Variants in ACER2 observed in about 807,000 individuals in gnomAD.
ACER2 encodes the protein alkaline ceramidase 2.
A neutral mutation model predicts 34.7 loss-of-function variants in ACER2; 26 were observed. That is an observed-to-expected ratio of 0.75 (90% CI 0.55 to 1.04). ACER2 has a LOEUF of 1.04. Ranked by LOEUF, ACER2 falls within the 50% of genes least tolerant of loss-of-function variation. The pLI is 0.00. For missense variants in ACER2, 352 were observed against 340.8 expected (o/e 1.03, Z -0.26); for synonymous variants, 138 against 132.1 (o/e 1.04, Z -0.31).
At chr9:19,414,545 G>A (rs981569319) in intron 1 of ACER2, among the ~76,000 whole-genome samples, 16 of 152,260 alleles carry the variant, frequency 1.1e-4, no homozygotes, top group African/African-American at 3.6e-4. Context: ...TACTTTAGGA[G>A]GCTGAGGCTG....
chr9:19,440,139 G>A (rs1464790071), intron 4 of ACER2, among the ~76,000 whole-genome samples: 2 of 152,044 alleles, frequency 1.3e-5, no homozygotes, highest in African/African-American at 4.8e-5. Flanking sequence ...TATTCTCTCG[G>A]CTGCTCGCCC....
At chr9:19,427,517 T>A (rs1358704467) in intron 3 of ACER2, among the ~76,000 whole-genome samples, 1 of 152,114 alleles carries the variant, frequency 6.6e-6, no homozygotes, top group Non-Finnish European at 1.5e-5. Context: ...GACCAAAAAA[T>A]TCATGTCAAA....
At chr9:19,446,523 GGCTT>G in intron 5 of ACER2, 105 bp downstream of exon 5, 1 of 1,566,354 alleles carries the variant, frequency 6.4e-7, no homozygotes, top group East Asian at 2.2e-5. Flanking sequence ...GTGGGTTGCT[GGCTT>G]GCTTCTCTCC....
At position 19,424,840 on chromosome 9, in the gene ACER2, C is replaced by T. The variant is rs201757927; in HGVS notation, c.364C>T (p.Arg122Trp). The T allele has an allele frequency of 2.9e-5, 47 of 1,614,070 alleles. No individual in the cohort carries two copies. Among genetic ancestry groups the T allele is most frequent in the South Asian group, 5.5e-5 (5 of 91,064 alleles). Residue 122 changes from arginine (R) to tryptophan (W), a missense_variant and splice_region_variant, in exon 3 of 6, where the codon CGG becomes TGG. Physicochemically the swap from Arg to Trp is moderately radical, Grantham distance 101. Coordinates refer to ENST00000340967, the MANE Select transcript of ACER2 (RefSeq NM_001010887.3). ...TCTACCAAAGATCTTTCGGAATGAC[C>T]GGTAAGCTTGCACTAAACATTATTG... The part of the protein sequence containing the change: ...RYLPKIFRND[R>W]GRFKVVVSVL...
chr9:19,418,824 C>T (rs1830317856), intron 1 of ACER2, among the ~76,000 whole-genome samples: 1 of 152,042 alleles, frequency 6.6e-6, no homozygotes, highest in Non-Finnish European at 1.5e-5. Context: ...GCACATATAT[C>T]CCAGAACTTA....
intron 5 of ACER2, among the ~76,000 whole-genome samples, chr9:19,449,890 T>TAAAAAA (rs543959118): frequency 7.6e-6 from 1 of 131,364 alleles, no homozygotes; most frequent in African/African-American, 2.9e-5. Context: ...AGACTTCATT[T>TAAAAAA]AAAAAAAAAA....
At chr9:19,426,322 T>C (rs71478249) in intron 3 of ACER2, among the ~76,000 whole-genome samples, 31,887 of 148,314 alleles carry the variant, frequency 0.21, 3,914 homozygotes, top group African/African-American at 0.32. Flanking sequence ...CTTTCTTTCT[T>C]TTTCTTTCTT....
intron 3 of ACER2, among the ~76,000 whole-genome samples, chr9:19,434,220 C>T (rs1830872383): frequency 6.6e-6 from 1 of 151,850 alleles, no homozygotes; most frequent in Admixed American, 6.6e-5. Flanking sequence ...GTGATGGCGG[C>T]CGGGAAGAGG....
intron 3 of ACER2, among the ~76,000 whole-genome samples, chr9:19,427,959 C>T (rs941824715): frequency 1.3e-5 from 2 of 149,502 alleles, no homozygotes; most frequent in Non-Finnish European, 3.0e-5. Flanking sequence ...AGCCATCATG[C>T]CCTTCCTTTC....
At chr9:19,419,647 C>G (rs1231296623) in intron 1 of ACER2, among the ~76,000 whole-genome samples, 2 of 152,120 alleles carry the variant, frequency 1.3e-5, no homozygotes, top group Non-Finnish European at 2.9e-5. Context: ...CCTGTAATCC[C>G]AGCTACTCTG....
intron 2 of ACER2, 118 bp from the exon 3 acceptor site, chr9:19,424,582 G>A: frequency 6.7e-7 from 1 of 1,501,870 alleles, no homozygotes; most frequent in Non-Finnish European, 8.8e-7. Context: ...TCTTTTTTCA[G>A]AGAGAGAGTG....
At chr9:19,446,758 G>A in intron 5 of ACER2, 1 of 531,764 alleles carries the variant, frequency 1.9e-6, no homozygotes, top group Non-Finnish European at 2.4e-6. Context: ...AGAGGTAGGG[G>A]AAAGCTGGGG....
At chr9:19,430,571 T>A (rs1410080586) in intron 3 of ACER2, among the ~76,000 whole-genome samples, 1 of 152,198 alleles carries the variant, frequency 6.6e-6, no homozygotes. Context: ...CCCGGCTGCT[T>A]GTGTTCACAG....
chr9:19,437,760 A>G (rs946899697), intron 4 of ACER2, among the ~76,000 whole-genome samples: 6 of 152,084 alleles, frequency 3.9e-5, no homozygotes, highest in South Asian at 2.1e-4. Context: ...CCCTTCTGCA[A>G]TGTGCATCCT....
chr9:19,422,301 A>AG, intron 1 of ACER2, among the ~76,000 whole-genome samples: 1 of 151,600 alleles, frequency 6.6e-6, no homozygotes, highest in South Asian at 2.1e-4. Flanking sequence ...CCTGTCTCTA[A>AG]GAAAAAAAAA....
intron 4 of ACER2, 176 bp from the exon 5 acceptor site, chr9:19,446,105 T>A: frequency 1.1e-6 from 1 of 943,310 alleles, no homozygotes; most frequent in South Asian, 1.3e-5. Flanking sequence ...GAGCCATCTG[T>A]GTACATATGG....
At chr9:19,426,951 T>A (rs1830590108) in intron 3 of ACER2, among the ~76,000 whole-genome samples, 2 of 152,188 alleles carry the variant, frequency 1.3e-5, no homozygotes, top group African/African-American at 4.8e-5. Context: ...GACTTTTTCA[T>A]CACCAGCAGC....
At chr9:19,416,557 CTCTTG>C (rs1176577608) in intron 1 of ACER2, among the ~76,000 whole-genome samples, 1 of 151,792 alleles carries the variant, frequency 6.6e-6, no homozygotes, top group Non-Finnish European at 1.5e-5. Flanking sequence ...TTTTTTGAGA[CTCTTG>C]TCGCCCAGGC....
At chr9:19,442,214 T>G (rs888390544) in intron 4 of ACER2, among the ~76,000 whole-genome samples, 1 of 152,180 alleles carries the variant, frequency 6.6e-6, no homozygotes, top group African/African-American at 2.4e-5. Context: ...TAGGAGTGAT[T>G]TTATTGTTAA....
Sources: gnomAD v4.1 joint callset for allele counts (sites outside exome capture counted in the v4.1 genomes callset) on GRCh38, gnomAD v4.1.1 for gene constraint, MANE v1.5 for transcripts, NCBI Gene and HGNC (gene_info 2026-07-23, HGNC 2026-07-21) for gene names.